Variants in SGCD observed in about 807,000 individuals in gnomAD.
The protein encoded by SGCD is sarcoglycan delta, also known as delta-sarcoglycan.
SGCD carries 18 observed loss-of-function variants against 36.6 expected under a neutral mutation model. That is an observed-to-expected ratio of 0.49 (90% CI 0.34 to 0.73). SGCD has a LOEUF of 0.73. Among genes scored for constraint, SGCD ranks in the 30% least tolerant of loss-of-function variants. The pLI, the probability that SGCD is intolerant of heterozygous loss-of-function variation, is 0.01. For missense variants in SGCD, 387 were observed against 346.7 expected, an observed-to-expected ratio of 1.12 and a Z score of -0.92; for synonymous variants, 133 against 130.6, an observed-to-expected ratio of 1.02 and a Z score of -0.12.
chr5:156,425,589 G>A (rs916637305), intron 3 of SGCD, among the ~76,000 whole-genome samples: 2 of 151,620 alleles, frequency 1.3e-5, no homozygotes, highest in Non-Finnish European at 2.9e-5. Context: ...TAGTTTTGGG[G>A]GTACATGTTG....
At chr5:156,406,378 G>T (rs1772408711) in intron 3 of SGCD, among the ~76,000 whole-genome samples, 1 of 152,048 alleles carries the variant, frequency 6.6e-6, no homozygotes, top group Non-Finnish European at 1.5e-5. Context: ...CCATCCTTGT[G>T]CACTCTGTGA....
chr5:156,441,833 A>G (rs768651347), intron 3 of SGCD, among the ~76,000 whole-genome samples: 3 of 152,132 alleles, frequency 2.0e-5, no homozygotes, highest in Non-Finnish European at 4.4e-5. Flanking sequence ...GGTTAATTTC[A>G]TTTACTTCCT....
intron 3 of SGCD, among the ~76,000 whole-genome samples, chr5:156,125,906 C>G (rs1762160271): frequency 6.8e-6 from 1 of 147,622 alleles, no homozygotes; most frequent in Non-Finnish European, 1.5e-5. Context: ...GAGATGGAGT[C>G]TCACTTTGTT....
At chr5:156,261,513 A>G (rs1195910734) in intron 3 of SGCD, among the ~76,000 whole-genome samples, 1 of 152,194 alleles carries the variant, frequency 6.6e-6, no homozygotes, top group African/African-American at 2.4e-5. Flanking sequence ...TGCTTGTGGG[A>G]ATGCTGGTAT....
chr5:155,861,598 G>A, the SGCD span, among the ~76,000 whole-genome samples: 2 of 152,144 alleles, frequency 1.3e-5, no homozygotes, highest in Non-Finnish European at 2.9e-5. Flanking sequence ...TGCGCCTGTA[G>A]TCCCAGCTAC....
intron 3 of SGCD, among the ~76,000 whole-genome samples, chr5:156,173,544 A>G (rs1306961013): frequency 1.3e-5 from 2 of 152,186 alleles, no homozygotes; most frequent in Admixed American, 6.5e-5. Flanking sequence ...GGGGAAAAAA[A>G]GAGAGAATAA....
chr5:156,324,414 C>A (rs1026155434), upstream of SGCD, among the ~76,000 whole-genome samples: 1 of 152,022 alleles, frequency 6.6e-6, no homozygotes, highest in African/African-American at 2.4e-5. Flanking sequence ...CTTGAGAGGG[C>A]CTGTGAAACA....
At chr5:155,924,830 G>T (rs999767797) in intron 1 of SGCD, among the ~76,000 whole-genome samples, 2 of 152,164 alleles carry the variant, frequency 1.3e-5, no homozygotes, top group African/African-American at 4.8e-5. Context: ...GCAAATAAGA[G>T]AATGTTTTAT....
chr5:156,365,983 G>C (rs1282533413), intron 3 of SGCD, among the ~76,000 whole-genome samples: 1 of 152,156 alleles, frequency 6.6e-6, no homozygotes, highest in Non-Finnish European at 1.5e-5. Flanking sequence ...CTGTAAGCAA[G>C]AGAAGGTACA....
the SGCD span, among the ~76,000 whole-genome samples, chr5:155,785,131 T>A: frequency 6.6e-6 from 1 of 152,250 alleles, no homozygotes; most frequent in African/African-American, 2.4e-5. Context: ...AATGAATGAA[T>A]GATGCATAGA....
rs890597192 is a variant in SGCD, at chr5:156,004,927, A to G, written c.-281-112951A>G. 6.6e-5 allele frequency among the ~76,000 whole-genome samples: 10 copies of G among 152,260 alleles called. No homozygotes were observed. The East Asian group carries it at 1.7e-3, about 27-fold the overall frequency. On this transcript the variant is annotated intron_variant, in intron 1 of 9. Coordinates refer to the SGCD transcript ENST00000517913. ...GCACAGACCTAAAAATAGATAAAAG[A>G]AAAACCATTGCTTCCCAGTAGCGGA...
At chr5:156,349,790 A>G (rs77410345) in intron 3 of SGCD, among the ~76,000 whole-genome samples, 3,872 of 152,212 alleles carry the variant, frequency 0.025, 159 homozygotes, top group African/African-American at 0.088. Context: ...AGACCTGCAT[A>G]TGTATATTTT....
At chr5:156,339,729 A>C (rs1336090033) in intron 2 of SGCD, among the ~76,000 whole-genome samples, 1 of 152,220 alleles carries the variant, frequency 6.6e-6, no homozygotes, top group Non-Finnish European at 1.5e-5. Flanking sequence ...ACTGCTAAAA[A>C]CAATTGGGAT....
At chr5:155,817,635 A>T in the SGCD span, among the ~76,000 whole-genome samples, 1 of 152,168 alleles carries the variant, frequency 6.6e-6, no homozygotes, top group Non-Finnish European at 1.5e-5. Flanking sequence ...AATAATAAGA[A>T]TTATTTAAAG....
At chr5:156,743,877 A>C (rs1756816757) in intron 7 of SGCD, among the ~76,000 whole-genome samples, 1 of 152,240 alleles carries the variant, frequency 6.6e-6, no homozygotes. Context: ...TTTGACTTAA[A>C]AGTAGAACTT....
At chr5:155,854,716 C>T in the SGCD span, among the ~76,000 whole-genome samples, 1 of 152,078 alleles carries the variant, frequency 6.6e-6, no homozygotes, top group Non-Finnish European at 1.5e-5. Context: ...TTGATGTACC[C>T]TTATCTCTTA....
rs180790862 is a variant in SGCD at position 156,102,155 on chromosome 5, T to C, written c.-281-15723T>C. Among the ~76,000 whole-genome samples, 15 of 152,290 alleles carry C rather than the reference T, an allele frequency of 9.8e-5. No individual in the cohort carries two copies. The East Asian group carries it at 2.7e-3, about 27-fold the overall frequency. ...AATAAGAATGTTTCTGATTGATTTT[T>C]TTTTTATTTTTGTGGCCAGAATTAT... is the stretch of plus-strand genomic sequence containing the variant. On this transcript the variant is annotated intron_variant, in intron 1 of 9. Coordinates refer to the SGCD transcript ENST00000517913.
At chr5:156,351,789 A>G (rs1769271512) in intron 3 of SGCD, among the ~76,000 whole-genome samples, 1 of 152,162 alleles carries the variant, frequency 6.6e-6, no homozygotes, top group Non-Finnish European at 1.5e-5. Context: ...CTTGAGATCA[A>G]ACAGCTATAA....
At position 155,989,705 on chromosome 5, in the gene SGCD, C is replaced by T. The variant is rs9885096; in HGVS notation, c.-282+119281C>T. Among the ~76,000 whole-genome samples the T allele has an allele frequency of 1.8e-3, 279 of 152,172 alleles. 1 individual carries two copies. The highest frequency in any genetic ancestry group is 6.6e-3 in the African/African-American group (273 of 41,532). The stretch of plus-strand genomic sequence containing the variant: ...AATATAGCTTTCAATAAATGTTATT[C>T]AATAAAATGTAAATGTCCTTAGTTT... On this transcript the variant is annotated intron_variant, in intron 1 of 9. Transcript: ENST00000517913.
Sources: allele counts gnomAD v4.1 joint callset (sites outside exome capture counted in the v4.1 genomes callset), GRCh38; gene constraint gnomAD v4.1.1; transcripts MANE v1.5; gene names NCBI Gene and HGNC (gene_info 2026-07-23, HGNC 2026-07-21).